Variants in ATP7B observed in about 807,000 individuals in gnomAD.
ATP7B encodes copper-transporting ATPase 2.
Under a neutral mutation model 118.9 loss-of-function variants are expected in ATP7B, and 113 were observed. That is an observed-to-expected ratio of 0.95 (90% CI 0.82 to 1.11). ATP7B has a LOEUF of 1.11. Among genes scored for constraint, ATP7B ranks in the 50% most tolerant of loss-of-function variants. ATP7B has a pLI of 0.00. For missense variants in ATP7B, 1,867 were observed against 1,871.4 expected (o/e 1.00, Z 0.04); for synonymous variants, 777 against 727.4 (o/e 1.07, Z -1.10).
intron 1 of ATP7B, among the ~76,000 whole-genome samples, chr13:51,999,178 A>C (rs1032393352): frequency 6.6e-6 from 1 of 152,200 alleles, no homozygotes; most frequent in African/African-American, 2.4e-5. Context: ...GGAGAGGAGC[A>C]CAAGACACAT....
chr13:51,973,220 T>G (rs144541393), intron 2 of ATP7B, among the ~76,000 whole-genome samples: 75 of 152,240 alleles, frequency 4.9e-4, no homozygotes, highest in African/African-American at 1.5e-3. Flanking sequence ...ATAGTTCTCT[T>G]GGTAAGAAAA....
chr13:52,005,768 C>CCAA (rs1953737630), intron 1 of ATP7B, among the ~76,000 whole-genome samples: 1 of 152,158 alleles, frequency 6.6e-6, no homozygotes, highest in Non-Finnish European at 1.5e-5. Context: ...ATCTGTTATA[C>CCAA]CAACACTCCA....
At chr13:51,966,737 C>T (rs1020869372) in intron 4 of ATP7B, 18 of 1,581,438 alleles carry the variant, frequency 1.1e-5, no homozygotes, top group Middle Eastern at 2.0e-4. Flanking sequence ...CCGCCCGCAC[C>T]CACCATGGCC....
At chr13:51,971,603 T>C (rs1951846535) in intron 2 of ATP7B, among the ~76,000 whole-genome samples, 1 of 152,262 alleles carries the variant, frequency 6.6e-6, no homozygotes, top group South Asian at 2.1e-4. Context: ...CCTTATACTA[T>C]ATTTCTTACC....
rs944150580 is a variant in ATP7B at position 52,004,947 on chromosome 13, G to A, written c.51+6340C>T. 1.3e-5 allele frequency among the ~76,000 whole-genome samples: 2 copies of A among 152,184 alleles called. 1 individual carries two copies. Among genetic ancestry groups the A allele is most frequent in the South Asian group, 4.1e-4 (2 of 4,824 alleles). On this transcript the variant is annotated intron_variant, in intron 1 of 20. Coordinates refer to ENST00000242839, the MANE Select transcript of ATP7B (RefSeq NM_000053.4). Reference sequence around the variant, plus strand: ...CACCACATGGACACCAAGGTTTATAGCCTGCACCTTCCAGAGCAGCAGCCC... The same window carrying A: ...CACCACATGGACACCAAGGTTTATAACCTGCACCTTCCAGAGCAGCAGCCC...
chr13:51,974,758 G>T lies in ATP7B; in HGVS notation c.462C>A (p.Cys154Ter). ...CTTCAATGGAGCTGACACAGGACTGGCAGGTCATGCCCTCCACCCGGAGCT... is the reference window on the plus strand; with the variant it reads ...CTTCAATGGAGCTGACACAGGACTGTCAGGTCATGCCCTCCACCCGGAGCT... ...VVKLRVEGMTCQSCVSSIEGK... is the reference protein window; with the variant it reads ...VVKLRVEGMT Residue 154 changes from cysteine to a stop codon, truncating the protein, a stop_gained, in exon 2 of 21, where the codon TGC becomes TGA. Transcript: ENST00000242839. LOFTEE classifies it high-confidence loss of function. 1 of 1,614,160 alleles carries T rather than the reference G, an allele frequency of 6.2e-7. No homozygotes were observed. Among genetic ancestry groups the T allele is most frequent in the Non-Finnish European group, 8.5e-7 (1 of 1,180,012 alleles).
In ATP7B at chr13:51,948,292, T is replaced by C. The variant is rs74085893; in HGVS notation, c.2865+1370A>G. Among the ~76,000 whole-genome samples the C allele has an allele frequency of 4.0e-3, 602 of 152,154 alleles. 3 individuals carry two copies. Among genetic ancestry groups the C allele is most frequent in the African/African-American group, 0.014 (585 of 41,504 alleles). ...TTTTGCTACGTTGCCCAGGTTGGAG[T>C]GCAGTGGCTATTCACAGGCACGATC... On this transcript the variant is annotated intron_variant, in intron 12 of 20. Transcript: ENST00000242839.
chr13:52,002,968 G>T (rs1177962767), intron 1 of ATP7B, among the ~76,000 whole-genome samples: 2 of 152,200 alleles, frequency 1.3e-5, no homozygotes, highest in Admixed American at 6.5e-5. Context: ...TCAATGCTGA[G>T]GACCTTGCTC....
At chr13:52,011,587 G>C (rs1452783727), upstream of ATP7B, 1 of 609,538 alleles carries the variant, frequency 1.6e-6, no homozygotes, top group African/African-American at 1.8e-5. Flanking sequence ...TGGGGGCACG[G>C]GGATGAGAGC....
intron 1 of ATP7B, among the ~76,000 whole-genome samples, chr13:51,981,709 A>G (rs1172684228): frequency 1.3e-5 from 2 of 152,206 alleles, no homozygotes; most frequent in African/African-American, 4.8e-5. Flanking sequence ...ATGAACATTA[A>G]GTATACAGGG....
At chr13:51,993,724 G>A (rs775385191) in intron 1 of ATP7B, among the ~76,000 whole-genome samples, 2 of 152,212 alleles carry the variant, frequency 1.3e-5, no homozygotes, top group Non-Finnish European at 2.9e-5. Flanking sequence ...TTTGGCAGAA[G>A]TAACACTATT....
intron 1 of ATP7B, chr13:51,978,934 C>T (rs1952261820): frequency 6.6e-6 from 1 of 152,234 alleles, no homozygotes; most frequent in South Asian, 2.1e-4. Context: ...ATAGTTCATT[C>T]ATCACATGGC....
chr13:51,934,666 G>A lies in ATP7B; in HGVS notation c.*90C>T. ...GGAGCGGAAGTCCCCAAAGCTGGAG[G>A]CTAGCTCAGCCCATCCTGCTGCTGG... On this transcript the variant is annotated 3_prime_UTR_variant, in exon 21 of 21. Coordinates refer to ENST00000242839, the MANE Select transcript of ATP7B (RefSeq NM_000053.4). 1 of 1,579,020 alleles carries A rather than the reference G, an allele frequency of 6.3e-7. No homozygotes were observed. Among genetic ancestry groups the A allele is most frequent in the Non-Finnish European group, 8.6e-7 (1 of 1,161,000 alleles).
At chr13:51,952,390 T>C (rs1207840841) in intron 9 of ATP7B, among the ~76,000 whole-genome samples, 2 of 152,264 alleles carry the variant, frequency 1.3e-5, no homozygotes, top group African/African-American at 4.8e-5. Context: ...GAGGTTATTT[T>C]ACACCTTGCT....
At chr13:51,971,259 C>A (rs1212007634) in intron 2 of ATP7B, among the ~76,000 whole-genome samples, 1 of 152,170 alleles carries the variant, frequency 6.6e-6, no homozygotes, top group Admixed American at 6.5e-5. Flanking sequence ...CTCAGACAAA[C>A]AACAAATAAT....
intron 4 of ATP7B, chr13:51,966,978 T>C (rs1437094019): frequency 2.5e-5 from 40 of 1,613,430 alleles, no homozygotes; most frequent in South Asian, 1.2e-4. Flanking sequence ...CCACAGCTGA[T>C]GGCAGAAAAA....
intron 3 of ATP7B, among the ~76,000 whole-genome samples, chr13:51,969,739 G>A (rs1481143573): frequency 2.0e-5 from 3 of 152,162 alleles, no homozygotes; most frequent in Admixed American, 2.0e-4. Context: ...TCAGACCATG[G>A]ATAACAAGGG....
chr13:51,935,653 C>G lies in ATP7B; in HGVS notation c.4064G>C (p.Gly1355Ala). ...PIGIVLQPWM[G>A]SAAMAASSVS... is the part of the protein sequence containing the mutation. ...AGAGGAGGCTGCCATGGCCGCTGAG[C>G]CCATCCAGGGCTGCAGCACAATGCC... is the stretch of plus-strand genomic sequence containing the variant. Residue 1355 changes from glycine (G) to alanine (A), a missense_variant, in exon 20 of 21, where the codon GGC becomes GCC. Transcript: ENST00000242839. 1 of 1,613,702 alleles carries G rather than the reference C, an allele frequency of 6.2e-7. No individual in the cohort carries two copies. The highest frequency in any genetic ancestry group is 1.1e-5 in the South Asian group (1 of 90,948).
Position 51,933,484 on chromosome 13 carries a change from A to G in ATP7B, c.*1272T>C, listed in dbSNP as rs1448147230. 6.6e-6 allele frequency: 1 copy of G among 152,192 alleles called. No individual in the cohort carries two copies. The highest frequency in any genetic ancestry group is 1.5e-5 in the Non-Finnish European group (1 of 68,028). The allele number at this position is 152,192 out of a possible 1,614,324, so 9.4% of individuals were successfully genotyped here. The stretch of plus-strand genomic sequence containing the variant: ...AGGGTTTCACCCAGAATTTAATCCA[A>G]CTCTACTAGTTTGCTCCCAAAGGGT... On this transcript the variant is annotated 3_prime_UTR_variant, in exon 21 of 21. Coordinates refer to ENST00000242839, the MANE Select transcript of ATP7B (RefSeq NM_000053.4).
Sources: gnomAD v4.1 joint callset for allele counts (sites outside exome capture counted in the v4.1 genomes callset) on GRCh38, gnomAD v4.1.1 for gene constraint, MANE v1.5 for transcripts, NCBI Gene and HGNC (gene_info 2026-07-23, HGNC 2026-07-21) for gene names.